Variants in SLIT2 observed in about 807,000 individuals in gnomAD.
SLIT2 encodes slit homolog 2 protein.
A neutral mutation model predicts 185.7 loss-of-function variants in SLIT2; 41 were observed. That is an observed-to-expected ratio of 0.22 (90% CI 0.17 to 0.29). The LOEUF (loss-of-function observed/expected upper bound fraction) is 0.29. Among genes scored for constraint, SLIT2 ranks in the 10% least tolerant of loss-of-function variants. The pLI is 1.00. For synonymous variants in SLIT2, 693 were observed against 680.2 expected (o/e 1.02, Z -0.29); for missense variants, 1,571 against 1,909.0 (o/e 0.82, Z 3.30).
At chr4:20,411,514 TA>T (rs1227396952) in intron 4 of SLIT2, among the ~76,000 whole-genome samples, 1 of 152,186 alleles carries the variant, frequency 6.6e-6, no homozygotes, top group Non-Finnish European at 1.5e-5. Context: ...ACTGACACTC[TA>T]GAATCTTGCT....
At chr4:20,534,913 G>A (rs1291182757) in intron 18 of SLIT2, among the ~76,000 whole-genome samples, 1 of 152,152 alleles carries the variant, frequency 6.6e-6, no homozygotes, top group East Asian at 1.9e-4. Context: ...TGACCACCCA[G>A]CAGGACCAGT....
chr4:20,377,055 G>C (rs1233268583), intron 4 of SLIT2, among the ~76,000 whole-genome samples: 2 of 151,862 alleles, frequency 1.3e-5, no homozygotes, highest in African/African-American at 4.8e-5. Context: ...AAGAGAGAGA[G>C]AAAGTATTCA....
intron 4 of SLIT2, among the ~76,000 whole-genome samples, chr4:20,269,620 A>G (rs1713394849): frequency 6.6e-6 from 1 of 151,964 alleles, no homozygotes; most frequent in Non-Finnish European, 1.5e-5. Context: ...GATAAGCTAC[A>G]AAGTTTTGGA....
chr4:20,538,673 G>GCT (rs1201969981), intron 18 of SLIT2, among the ~76,000 whole-genome samples: 2 of 149,404 alleles, frequency 1.3e-5, no homozygotes, highest in Non-Finnish European at 3.0e-5. Flanking sequence ...TTTTTGTTCA[G>GCT]TTTTTAAGCC....
In SLIT2 at chr4:20,325,478, A is replaced by G. The variant is rs985875989; in HGVS notation, c.395+56597A>G. Among the ~76,000 whole-genome samples, 13 of 151,866 alleles carry G rather than the reference A, an allele frequency of 8.6e-5. No individual in the cohort carries two copies. The South Asian group carries it at 2.5e-3, about 29-fold the overall frequency. On this transcript the variant is annotated intron_variant, in intron 4 of 36. Coordinates refer to ENST00000504154, the MANE Select transcript of SLIT2 (RefSeq NM_004787.4). ...AAAGAATAGAAAGTAGAAAAAGCCTAGGCTTAATAAATGCCCTGGAAAATA... is the reference window on the plus strand; with the variant it reads ...AAAGAATAGAAAGTAGAAAAAGCCTGGGCTTAATAAATGCCCTGGAAAATA...
At chr4:20,427,262 C>T (rs1440534506) in intron 4 of SLIT2, among the ~76,000 whole-genome samples, 5 of 152,124 alleles carry the variant, frequency 3.3e-5, no homozygotes, top group African/African-American at 1.2e-4. Flanking sequence ...TTAGATGGTG[C>T]TCCTTCAGGA....
At chr4:20,360,685 C>T (rs1478867747) in intron 4 of SLIT2, among the ~76,000 whole-genome samples, 1 of 151,740 alleles carries the variant, frequency 6.6e-6, no homozygotes, top group African/African-American at 2.4e-5. Flanking sequence ...AAATTAAAAC[C>T]AGGATTTGTG....
At chr4:20,427,677 T>C (rs1728660224) in intron 4 of SLIT2, among the ~76,000 whole-genome samples, 2 of 151,872 alleles carry the variant, frequency 1.3e-5, no homozygotes, top group Admixed American at 1.3e-4. Flanking sequence ...ATTCTTTTTT[T>C]TTTTTTTTTT....
At chr4:20,281,213 G>A (rs2109056683) in intron 4 of SLIT2, among the ~76,000 whole-genome samples, 1 of 152,316 alleles carries the variant, frequency 6.6e-6, no homozygotes, top group Admixed American at 6.5e-5. Flanking sequence ...CTCTCAATAT[G>A]AGGTAAGTGG....
In SLIT2 at chr4:20,447,717, G is replaced by T. The variant is rs539331815; in HGVS notation, c.396-20035G>T. 1.5e-4 allele frequency among the ~76,000 whole-genome samples: 23 copies of T among 152,288 alleles called. No individual in the cohort carries two copies. In the South Asian group the frequency reaches 4.4e-3, roughly 29 times the overall value. On this transcript the variant is annotated intron_variant, in intron 4 of 36. Coordinates refer to ENST00000504154, the MANE Select transcript of SLIT2 (RefSeq NM_004787.4). ...GTCTGCGTTTGTCAAGGCCTGGCTA[G>T]GTTGAAGTTTCAGAAAAAAAGTAAA... is the stretch of plus-strand genomic sequence containing the variant.
At chr4:20,288,086 G>A (rs571905628) in intron 4 of SLIT2, among the ~76,000 whole-genome samples, 2 of 152,256 alleles carry the variant, frequency 1.3e-5, no homozygotes, top group African/African-American at 4.8e-5. Context: ...TTAGTAAGTC[G>A]ATAGAATTTC....
At position 20,254,335 on chromosome 4, in the gene SLIT2, C is replaced by T. The variant is rs2109001637; in HGVS notation, c.179+341C>T. ...GGCAAGTGAGACGCCACTTTGTTCT[C>T]CAGAGTCCATAAACGGAGTCACCTT... On this transcript the variant is annotated intron_variant, in intron 1 of 36. Transcript: ENST00000504154. The surrounding 1 kb of genome is among the most constrained non-coding windows in gnomAD (Gnocchi z 5.1). 6.6e-6 allele frequency among the ~76,000 whole-genome samples: 1 copy of T among 152,312 alleles called. No individual in the cohort carries two copies. Among genetic ancestry groups the T allele is most frequent in the South Asian group, 2.1e-4 (1 of 4,824 alleles).
At position 20,495,532 on chromosome 4, in the gene SLIT2, A is replaced by G. The variant is rs530743041; in HGVS notation, c.914+3633A>G. 1.6e-3 allele frequency among the ~76,000 whole-genome samples: 242 copies of G among 152,320 alleles called. 2 individuals carry two copies. Among genetic ancestry groups the G allele is most frequent in the South Asian group, 3.1e-3 (15 of 4,826 alleles). ...TCTTATGTAGTCTATTTTATTTCTTATGATCGTGATTTTCTTCTACTTTGT... is the reference window on the plus strand; with the variant it reads ...TCTTATGTAGTCTATTTTATTTCTTGTGATCGTGATTTTCTTCTACTTTGT... On this transcript the variant is annotated intron_variant, in intron 9 of 36. Transcript: ENST00000504154.
intron 4 of SLIT2, among the ~76,000 whole-genome samples, chr4:20,467,213 G>A (rs1011508251): frequency 9.9e-5 from 15 of 152,074 alleles, no homozygotes; most frequent in South Asian, 2.1e-4. Flanking sequence ...TAAACTGTTC[G>A]TTTTATTGTT....
rs146550720 is a variant in SLIT2, at chr4:20,579,686, C to T, written c.3089-9958C>T. On this transcript the variant is annotated intron_variant, in intron 29 of 36. Coordinates refer to ENST00000504154, the MANE Select transcript of SLIT2 (RefSeq NM_004787.4). The stretch of plus-strand genomic sequence containing the variant: ...ATTACACTAAAGCAGCTTTTGTTGG[C>T]GAAATAAAAAAACCTCACTCTGAGA... Among the ~76,000 whole-genome samples, 184 of 151,238 alleles carry T rather than the reference C, an allele frequency of 1.2e-3. 1 individual carries two copies. Among genetic ancestry groups the T allele is most frequent in the African/African-American group, 3.3e-3 (134 of 41,230 alleles).
At chr4:20,286,154 G>T (rs1257654261) in intron 4 of SLIT2, among the ~76,000 whole-genome samples, 1 of 152,160 alleles carries the variant, frequency 6.6e-6, no homozygotes, top group Admixed American at 6.5e-5. Flanking sequence ...GGGGATAAGA[G>T]GGTCTTTTAA....
At chr4:20,359,494 T>C (rs958231729) in intron 4 of SLIT2, among the ~76,000 whole-genome samples, 1 of 152,078 alleles carries the variant, frequency 6.6e-6, no homozygotes, top group African/African-American at 2.4e-5. Context: ...TTGAAAAGAT[T>C]GCATTTGTGC....
chr4:20,604,282 T>C (rs1728622023), intron 33 of SLIT2, among the ~76,000 whole-genome samples: 1 of 152,258 alleles, frequency 6.6e-6, no homozygotes. Context: ...TTAAAAGTAC[T>C]GATTAAAATA....
chr4:20,532,850 A>G (rs1340530004), intron 17 of SLIT2, among the ~76,000 whole-genome samples: 1 of 152,170 alleles, frequency 6.6e-6, no homozygotes, highest in Non-Finnish European at 1.5e-5. Flanking sequence ...TAGCCATAAG[A>G]TGATTTCCCA....
Sources: gnomAD v4.1 joint callset for allele counts (sites outside exome capture counted in the v4.1 genomes callset) on GRCh38, gnomAD v4.1.1 for gene constraint, Gnocchi (gnomAD v3.1) non-coding constraint, MANE v1.5 for transcripts, NCBI Gene and HGNC (gene_info 2026-07-23, HGNC 2026-07-21) for gene names.